The following DLG2 variants were observed in gnomAD, a reference collection of about 807,000 sequenced individuals.
The protein encoded by DLG2 is discs large MAGUK scaffold protein 2.
DLG2 carries 45 observed loss-of-function variants against 132.5 expected under a neutral mutation model. The observed-to-expected ratio is 0.34, with a 90% CI of 0.27 to 0.44. The LOEUF (loss-of-function observed/expected upper bound fraction) is 0.44, where lower values mean the gene tolerates loss of function less well. Ranked by LOEUF, DLG2 falls within the 20% of genes least tolerant of loss-of-function variation. DLG2 has a pLI of 1.00. For missense variants in DLG2, 1,045 were observed against 1,196.9 expected, an observed-to-expected ratio of 0.87 and a Z score of 1.87; for synonymous variants, 424 against 419.6, an observed-to-expected ratio of 1.01 and a Z score of -0.13.
At chr11:85,380,063 G>T (rs1014148315) in intron 3 of DLG2, among the ~76,000 whole-genome samples, 1 of 152,088 alleles carries the variant, frequency 6.6e-6, no homozygotes, top group Non-Finnish European at 1.5e-5. Flanking sequence ...TTGCCCCCAA[G>T]ATTTTTACAC....
chr11:84,987,447 G>T (rs1245269302), intron 6 of DLG2, among the ~76,000 whole-genome samples: 4 of 151,976 alleles, frequency 2.6e-5, no homozygotes, highest in Non-Finnish European at 5.9e-5. Flanking sequence ...GCAAAAAAGA[G>T]CCTGCATAGC....
intron 6 of DLG2, among the ~76,000 whole-genome samples, chr11:84,680,227 A>C (rs577658821): frequency 6.6e-6 from 1 of 152,154 alleles, no homozygotes; most frequent in African/African-American, 2.4e-5. Flanking sequence ...TCATCTTCAA[A>C]GCTGTTTCTT....
chr11:84,704,792 T>G lies in DLG2; in HGVS notation c.358-170061A>C, dbSNP rs375331677. ...TGACATTTCCCACTTCTTGATTGGTTCTTCTAGACAGAAACCCTGATTAAA... is the reference window on the plus strand; with the variant it reads ...TGACATTTCCCACTTCTTGATTGGTGCTTCTAGACAGAAACCCTGATTAAA... On this transcript the variant is annotated intron_variant, in intron 6 of 27. Transcript: ENST00000376104. Among the ~76,000 whole-genome samples the G allele has an allele frequency of 1.1e-3, 172 of 151,256 alleles. 1 individual carries two copies. Among genetic ancestry groups the G allele is most frequent in the Non-Finnish European group, 1.6e-3 (110 of 67,636 alleles).
rs553068080 is a variant in DLG2 at position 85,463,002 on chromosome 11, G to A, written c.40+135655C>T. 3.9e-5 allele frequency among the ~76,000 whole-genome samples: 6 copies of A among 152,250 alleles called. No homozygotes were observed. The South Asian group carries it at 6.2e-4, about 16-fold the overall frequency. ...AAGTCATATGAGTAGACAGCGAGAA[G>A]GCAGCCATCTGCCCAAGGGGAGATC... On this transcript the variant is annotated intron_variant, in intron 3 of 27. Coordinates refer to ENST00000376104, the MANE Select transcript of DLG2 (RefSeq NM_001142699.3).
chr11:83,980,425 C>T, intron 12 of DLG2, 81 bp downstream of exon 12: 1 of 1,436,836 alleles, frequency 7.0e-7, no homozygotes, highest in Non-Finnish European at 9.2e-7. Context: ...GTGATGGCAG[C>T]CTGAACTGAC....
At chr11:83,834,933 T>A (rs900824831) in intron 16 of DLG2, among the ~76,000 whole-genome samples, 1 of 152,188 alleles carries the variant, frequency 6.6e-6, no homozygotes, top group African/African-American at 2.4e-5. Context: ...CAGCTCTTAA[T>A]GATGTAAGAA....
At chr11:83,561,317 G>A (rs975842195) in intron 19 of DLG2, among the ~76,000 whole-genome samples, 3 of 152,080 alleles carry the variant, frequency 2.0e-5, no homozygotes, top group Non-Finnish European at 2.9e-5. Flanking sequence ...TTCTAGCAGA[G>A]GCTATTTGGA....
chr11:84,056,966 C>A (rs2096512731), intron 11 of DLG2, among the ~76,000 whole-genome samples: 1 of 152,094 alleles, frequency 6.6e-6, no homozygotes, highest in Admixed American at 6.6e-5. Context: ...TTATTTCCAA[C>A]AGTTATCTGG....
chr11:85,178,732 AAATT>A (rs537162821), intron 4 of DLG2, among the ~76,000 whole-genome samples: 8 of 152,124 alleles, frequency 5.3e-5, no homozygotes, highest in African/African-American at 1.9e-4. Flanking sequence ...ATTGCAACAA[AAATT>A]AATAGATATT....
chr11:85,177,191 G>A (rs182239055), intron 4 of DLG2, among the ~76,000 whole-genome samples: 1 of 151,700 alleles, frequency 6.6e-6, no homozygotes, highest in African/African-American at 2.4e-5. Flanking sequence ...CAATAGCAAA[G>A]ACATGGAAAC....
At chr11:83,648,208 A>G (rs1235780203) in intron 18 of DLG2, among the ~76,000 whole-genome samples, 1 of 152,196 alleles carries the variant, frequency 6.6e-6, no homozygotes, top group Non-Finnish European at 1.5e-5. Context: ...AGGCATGAAC[A>G]AAGAACTGTG....
At chr11:85,495,713 G>C (rs1447984928) in intron 3 of DLG2, among the ~76,000 whole-genome samples, 1 of 152,178 alleles carries the variant, frequency 6.6e-6, no homozygotes, top group East Asian at 1.9e-4. Context: ...CATTGTGGAA[G>C]ACAATGTGGC....
chr11:84,526,163 C>A (rs1171710643), intron 7 of DLG2, among the ~76,000 whole-genome samples: 1 of 152,102 alleles, frequency 6.6e-6, no homozygotes, highest in African/African-American at 2.4e-5. Context: ...TTGTACTAAT[C>A]ATATTTCCAT....
At chr11:84,768,327 A>C (rs888658077) in intron 6 of DLG2, among the ~76,000 whole-genome samples, 5 of 152,134 alleles carry the variant, frequency 3.3e-5, no homozygotes, top group African/African-American at 9.7e-5. Flanking sequence ...AAAACAGCCA[A>C]CCCTATTATG....
intron 18 of DLG2, among the ~76,000 whole-genome samples, chr11:83,759,892 C>T (rs996356462): frequency 6.6e-6 from 1 of 152,142 alleles, no homozygotes; most frequent in Admixed American, 6.5e-5. Flanking sequence ...TCAGCTCTGT[C>T]CCAGATTCCA....
chr11:85,470,158 A>G (rs1168535705), intron 3 of DLG2, among the ~76,000 whole-genome samples: 1 of 152,074 alleles, frequency 6.6e-6, no homozygotes, highest in African/African-American at 2.4e-5. Context: ...AAAAAAAAAA[A>G]AAGTAACTTT....
chr11:85,428,742 T>C (rs981132553), intron 3 of DLG2, among the ~76,000 whole-genome samples: 1 of 151,952 alleles, frequency 6.6e-6, no homozygotes, highest in Non-Finnish European at 1.5e-5. Context: ...GCAAACACAT[T>C]TGAAAGCTAG....
At chr11:84,408,351 A>G (rs1567554505) in intron 7 of DLG2, among the ~76,000 whole-genome samples, 1 of 151,510 alleles carries the variant, frequency 6.6e-6, no homozygotes, top group Non-Finnish European at 1.5e-5. Flanking sequence ...ATATATATAT[A>G]TATATTATTA....
intron 6 of DLG2, among the ~76,000 whole-genome samples, chr11:84,802,176 T>C (rs2075471701): frequency 6.6e-6 from 1 of 151,970 alleles, no homozygotes; most frequent in African/African-American, 2.4e-5. Context: ...AATTCTAGGT[T>C]TCTCATGTAC....
Sources: allele counts gnomAD v4.1 joint callset (sites outside exome capture counted in the v4.1 genomes callset), GRCh38; gene constraint gnomAD v4.1.1; transcripts MANE v1.5; gene names NCBI Gene and HGNC (gene_info 2026-07-23, HGNC 2026-07-21).